The following DNASE1L3 variants were observed in gnomAD, a reference collection of about 807,000 sequenced individuals.
DNASE1L3 encodes deoxyribonuclease gamma.
In DNASE1L3, 27 loss-of-function variants were observed where a neutral mutation model predicts 30.9. The observed-to-expected ratio is 0.87, with a 90% confidence interval of 0.64 to 1.20. The LOEUF (loss-of-function observed/expected upper bound fraction) is 1.20, where lower values mean the gene tolerates loss of function less well. DNASE1L3 is among the 50% of genes most tolerant of loss of function. The probability of loss-of-function intolerance (pLI) is 0.00; values close to 1 mark genes in which losing one functional copy is unlikely to be tolerated. For synonymous variants in DNASE1L3, 135 were observed against 138.0 expected (o/e 0.98, Z 0.15); for missense variants, 364 against 378.2 (o/e 0.96, Z 0.31).
At position 58,208,096 on chromosome 3, in the gene DNASE1L3, A is replaced by T. The variant is rs1359245035; in HGVS notation, c.230+122T>A. 3.1e-5 allele frequency: 28 copies of T among 916,708 alleles called. No homozygotes were observed. In the East Asian group the frequency reaches 6.8e-4, roughly 22 times the overall value. The allele number at this position is 916,708 out of a possible 1,614,324, so 56.8% of individuals were successfully genotyped here. The stretch of plus-strand genomic sequence containing the variant: ...GCTAAGGGAGCTGGACTCCTGGGCA[A>T]CACTGGCTGTGTGAACTGGTGGTCA... On this transcript the variant is annotated intron_variant, in intron 2 of 7. Coordinates refer to ENST00000394549, the MANE Select transcript of DNASE1L3 (RefSeq NM_004944.4).
intron 2 of DNASE1L3, among the ~76,000 whole-genome samples, chr3:58,207,484 G>C (rs2097404890): frequency 7.5e-6 from 1 of 133,292 alleles, no homozygotes; most frequent in Non-Finnish European, 1.5e-5. Context: ...TAATAGTTTG[G>C]AGAGCATCCT....
At chr3:58,210,045 G>A (rs2097406637) in intron 1 of DNASE1L3, among the ~76,000 whole-genome samples, 1 of 151,760 alleles carries the variant, frequency 6.6e-6, no homozygotes, top group South Asian at 2.1e-4. Flanking sequence ...GGGAAGTAGA[G>A]GAGAGGGAGA....
chr3:58,193,928 G>C (rs2097395678), intron 6 of DNASE1L3, among the ~76,000 whole-genome samples: 2 of 152,332 alleles, frequency 1.3e-5, no homozygotes, highest in African/African-American at 4.8e-5. Context: ...AACAAGGCGT[G>C]ATTTTCACTG....
intron 1 of DNASE1L3, 118 bp from the exon 2 acceptor site, chr3:58,208,424 C>A (rs887714857): frequency 9.3e-7 from 1 of 1,071,214 alleles, no homozygotes; most frequent in Non-Finnish European, 1.4e-6. Flanking sequence ...ATAATTTCTT[C>A]TCTGAACTAA....
Position 58,205,552 on chromosome 3 carries a change from C to T in DNASE1L3, c.239G>A (p.Arg80Lys), listed in dbSNP as rs770698995. 1.9e-6 allele frequency: 3 copies of T among 1,613,528 alleles called. No individual in the cohort carries two copies. The South Asian group carries it at 3.3e-5, about 18-fold the overall frequency. ...ILMEKLNRNS[R>K]RGITYNYVIS... is the part of the protein sequence containing the mutation. The stretch of plus-strand genomic sequence containing the variant: ...CACATAGTTGTACGTTATGCCTCTC[C>T]TTGAATTTCTAGAAAACAAAGATTT... The change falls in exon 3 of 8, where the codon AGG becomes AAG. Residue 80 changes from arginine (R) to lysine (K), a missense_variant. Coordinates refer to ENST00000394549, the MANE Select transcript of DNASE1L3 (RefSeq NM_004944.4).
At chr3:58,196,939 TC>T (rs1216094765) in intron 6 of DNASE1L3, among the ~76,000 whole-genome samples, 1 of 152,244 alleles carries the variant, frequency 6.6e-6, no homozygotes, top group African/African-American at 2.4e-5. Context: ...TAGGGTTGCT[TC>T]CTGAGGAAAT....
In DNASE1L3 at chr3:58,192,685, GTCTAGGAGCGTTTGC is replaced by G; in HGVS notation, c.905_*1del. The G allele has an allele frequency of 6.2e-7, 1 of 1,613,820 alleles. No homozygotes were observed. On this transcript the variant is annotated stop_lost and 3_prime_UTR_variant, in exon 8 of 8. Coordinates refer to ENST00000394549, the MANE Select transcript of DNASE1L3 (RefSeq NM_004944.4). This position sits in a 1 kb window ranked among gnomAD's most constrained non-coding sequence, Gnocchi z 4.8. ...ATGGTTAATAAGATGAGACCCTTGG[GTCTAGGAGCGTTTGC>G]TCTTTGTTTTCTTCCTTAGAGTGAC...
Position 58,208,206 on chromosome 3 carries a change from T to TC in DNASE1L3, c.230+11dup, listed in dbSNP as rs774031702. 2 of 1,613,686 alleles carry TC rather than the reference T, an allele frequency of 1.2e-6. No individual in the cohort carries two copies. The highest frequency in any genetic ancestry group is 2.2e-5 in the South Asian group (2 of 91,056). On this transcript the variant is annotated intron_variant, in intron 2 of 7. Coordinates refer to ENST00000394549, the MANE Select transcript of DNASE1L3 (RefSeq NM_004944.4). Reference sequence around the variant, plus strand: ...CCTTGAGCCCTAGAGGGCCCACCCTTCCCCATGTTACCTGTTCAGCTTCTC... The same window carrying TC: ...CCTTGAGCCCTAGAGGGCCCACCCTTCCCCCATGTTACCTGTTCAGCTTCTC...
chr3:58,210,621 G>T, intron 1 of DNASE1L3, 145 bp downstream of exon 1: 23 of 1,250,256 alleles, frequency 1.8e-5, no homozygotes, highest in Non-Finnish European at 2.6e-5. Context: ...AGGAGGTACA[G>T]AGAGTTGAAG....
Position 58,193,326 on chromosome 3 carries a change from C to T in DNASE1L3, c.801+17G>A. ...TTTCCAGGACAATGGCATAGAAAGA[C>T]AAGATGGCAACCTTACCTCCTCTTC... On this transcript the variant is annotated intron_variant, in intron 7 of 7. Coordinates refer to ENST00000394549, the MANE Select transcript of DNASE1L3 (RefSeq NM_004944.4). 6.2e-7 allele frequency: 1 copy of T among 1,612,970 alleles called. No individual in the cohort carries two copies. The highest frequency in any genetic ancestry group is 8.5e-7 in the Non-Finnish European group (1 of 1,179,020).
chr3:58,193,971 C>CA (rs2097395692), intron 6 of DNASE1L3, among the ~76,000 whole-genome samples: 1 of 152,192 alleles, frequency 6.6e-6, no homozygotes, highest in Non-Finnish European at 1.5e-5. Flanking sequence ...CAATTTATGG[C>CA]AAATGCTGCT....
rs1296933595 is a variant in DNASE1L3 at position 58,200,665 on chromosome 3, G to A, written c.546+332C>T. On this transcript the variant is annotated intron_variant, in intron 5 of 7. Coordinates refer to ENST00000394549, the MANE Select transcript of DNASE1L3 (RefSeq NM_004944.4). The surrounding 1 kb of genome is among the most constrained non-coding windows in gnomAD (Gnocchi z 4.2). ...GCAAAGTGGGAATGAGAAAGGTACTGTAGCTACCTCAAGGGATTATTGGGA... is the reference window on the plus strand; with the variant it reads ...GCAAAGTGGGAATGAGAAAGGTACTATAGCTACCTCAAGGGATTATTGGGA... Among the ~76,000 whole-genome samples, 1 of 152,216 alleles carries A rather than the reference G, an allele frequency of 6.6e-6. No individual in the cohort carries two copies. The highest frequency in any genetic ancestry group is 1.9e-4 in the East Asian group (1 of 5,200).
chr3:58,200,956 C>T lies in DNASE1L3; in HGVS notation c.546+41G>A. ...CATCCCACTCAGGGACCAGAGCCTG[C>T]CCCTGCTAGATGGGAATTCGTCTGA... On this transcript the variant is annotated intron_variant, in intron 5 of 7. Transcript: ENST00000394549. This position sits in a 1 kb window ranked among gnomAD's most constrained non-coding sequence, Gnocchi z 4.2. 1 of 1,542,788 alleles carries T rather than the reference C, an allele frequency of 6.5e-7. No individual in the cohort carries two copies. Among genetic ancestry groups the T allele is most frequent in the Non-Finnish European group, 8.9e-7 (1 of 1,121,456 alleles).
At chr3:58,193,316 C>A in intron 7 of DNASE1L3, 27 bp downstream of exon 7, 1 of 1,609,408 alleles carries the variant, frequency 6.2e-7, no homozygotes, top group South Asian at 1.1e-5. Context: ...AGGACAATGG[C>A]ATAGAAAGAC....
At chr3:58,198,799 C>A (rs528188468) in intron 5 of DNASE1L3, among the ~76,000 whole-genome samples, 1 of 152,154 alleles carries the variant, frequency 6.6e-6, no homozygotes, top group African/African-American at 2.4e-5. Context: ...GTATTGACAA[C>A]CCTGGCATCA....
intron 1 of DNASE1L3, 35 bp from the exon 2 acceptor site, chr3:58,208,341 A>T (rs959234786): frequency 1.2e-6 from 2 of 1,603,766 alleles, no homozygotes; most frequent in African/African-American, 2.7e-5. Flanking sequence ...GTTTGAGGTC[A>T]TTTACCACAG....
intron 4 of DNASE1L3, 73 bp from the exon 5 acceptor site, chr3:58,201,182 C>T: frequency 8.1e-7 from 1 of 1,236,392 alleles, no homozygotes; most frequent in South Asian, 1.5e-5. Flanking sequence ...TGGAGGGAAA[C>T]CAGCTGTCCC....
rs2097395092 is a variant in DNASE1L3 at position 58,192,959 on chromosome 3, C to T, written c.802-156G>A. The T allele has an allele frequency of 5.5e-6, 8 of 1,442,232 alleles. No individual in the cohort carries two copies. Among genetic ancestry groups the T allele is most frequent in the Non-Finnish European group, 6.3e-6 (7 of 1,104,952 alleles). The allele number at this position is 1,442,232 out of a possible 1,614,324, so 89.3% of individuals were successfully genotyped here. A position where few individuals can be genotyped will look rare whatever the true frequency, so the allele number is the denominator to read the frequency against. On this transcript the variant is annotated intron_variant, in intron 7 of 7. Transcript: ENST00000394549. The surrounding 1 kb of genome is among the most constrained non-coding windows in gnomAD (Gnocchi z 4.8). ...CTGGTAAGCGTCATTCCAAGACCAG[C>T]TCGATCAGAAATTTTGGAGGGGCCT...
chr3:58,202,072 T>A (rs977867368), intron 4 of DNASE1L3, among the ~76,000 whole-genome samples: 4 of 152,114 alleles, frequency 2.6e-5, no homozygotes, highest in Admixed American at 6.6e-5. Context: ...ATTTTATCCC[T>A]CTTCTTTCTT....
Sources: allele counts gnomAD v4.1 joint callset (sites outside exome capture counted in the v4.1 genomes callset), GRCh38; gene constraint gnomAD v4.1.1; non-coding constraint Gnocchi (gnomAD v3.1); transcripts MANE v1.5; gene names NCBI Gene and HGNC (gene_info 2026-07-23, HGNC 2026-07-21).